The following HEBP1 variants were observed in gnomAD, a reference collection of about 807,000 sequenced individuals.
HEBP1 encodes the protein heme binding protein 1, also known as heme-binding protein 1.
Under a neutral mutation model 20.4 loss-of-function variants are expected in HEBP1, and 13 were observed. That is an observed-to-expected ratio of 0.64 (90% CI 0.42 to 1.01). The LOEUF is 1.01. Ranked by LOEUF, HEBP1 falls within the 50% of genes least tolerant of loss-of-function variation. The probability of loss-of-function intolerance (pLI) is 0.00; values close to 1 mark genes in which losing one functional copy is unlikely to be tolerated. For synonymous variants in HEBP1, 92 were observed against 90.7 expected (o/e 1.01, Z -0.08); for missense variants, 241 against 247.3 (o/e 0.97, Z 0.17).
In HEBP1 at chr12:12,975,357, G is replaced by A; in HGVS notation, c.521C>T (p.Pro174Leu). 1 of 1,614,044 alleles carries A rather than the reference G, an allele frequency of 6.2e-7. No individual in the cohort carries two copies. The highest frequency in any genetic ancestry group is 8.5e-7 in the Non-Finnish European group (1 of 1,179,972). The change falls in exon 4 of 4, where the codon CCC becomes CTC. Residue 174 changes from proline to leucine, a missense_variant. Physicochemically the swap from Pro to Leu is moderately conservative, Grantham distance 98 (BLOSUM62 -3). Coordinates refer to ENST00000014930, the MANE Select transcript of HEBP1 (RefSeq NM_015987.5). ...DIYFCTGYDP[P>L]MKPYGRRNEI... Reference sequence around the variant, plus strand: ...ATTGCGCCGTCCGTAGGGCTTCATGGGAGGGTCATAACCCGTGCAGAAGTA... The same window carrying A: ...ATTGCGCCGTCCGTAGGGCTTCATGAGAGGGTCATAACCCGTGCAGAAGTA...
At chr12:12,975,800 C>G (rs986057331) in intron 3 of HEBP1, among the ~76,000 whole-genome samples, 1 of 152,082 alleles carries the variant, frequency 6.6e-6, no homozygotes, top group African/African-American at 2.4e-5. Flanking sequence ...CTGAAATACC[C>G]AAGGGGACAG....
At position 12,996,308 on chromosome 12, in the gene HEBP1, G is replaced by A. The variant is rs1006830019; in HGVS notation, c.78+3729C>T. Among the ~76,000 whole-genome samples, 5 of 152,166 alleles carry A rather than the reference G, an allele frequency of 3.3e-5. No homozygotes were observed. The highest frequency in any genetic ancestry group is 2.0e-4 in the Admixed American group (3 of 15,278). On this transcript the variant is annotated intron_variant, in intron 1 of 3. Coordinates refer to ENST00000014930, the MANE Select transcript of HEBP1 (RefSeq NM_015987.5). This position sits in a 1 kb window ranked among gnomAD's most constrained non-coding sequence, Gnocchi z 4.1. ...AGGTCCTAACCTGTGTGCACAGGCC[G>A]GACACAAATCTGATTAAGGATGTCA...
Position 12,989,284 on chromosome 12 carries a change from A to G in HEBP1, c.210T>C (p.Asn70=), listed in dbSNP as rs1315056208. ...TCCTGCAGGGGTACTCACCCTTGTCATTGGTGCCCCCCGCATACTTTGCGA... is the reference window on the plus strand; with the variant it reads ...TCCTGCAGGGGTACTCACCCTTGTCGTTGGTGCCCCCCGCATACTTTGCGA... ...PKVAKYAGGT[N]DKGIGMGMTV... Residue 70 remains asparagine, a synonymous_variant, in exon 2 of 4, where the codon AAT becomes AAC. Transcript: ENST00000014930. 5 of 1,613,848 alleles carry G rather than the reference A, an allele frequency of 3.1e-6. No individual in the cohort carries two copies. Among genetic ancestry groups the G allele is most frequent in the Non-Finnish European group, 3.4e-6 (4 of 1,180,018 alleles).
chr12:12,976,086 A>AAC (rs1302279170), intron 3 of HEBP1, among the ~76,000 whole-genome samples: 1 of 151,468 alleles, frequency 6.6e-6, no homozygotes, highest in Non-Finnish European at 1.5e-5. Context: ...TCAAAAAAAA[A>AAC]AAAAAAAAAA....
At chr12:12,995,566 C>G (rs951167509) in intron 1 of HEBP1, among the ~76,000 whole-genome samples, 4 of 152,134 alleles carry the variant, frequency 2.6e-5, no homozygotes, top group African/African-American at 9.7e-5. Flanking sequence ...GTGCAGGGAT[C>G]ACTTGTTTTC....
At position 12,975,318 on chromosome 12, in the gene HEBP1, A is replaced by C. The variant is rs1863962971; in HGVS notation, c.560T>G (p.Leu187Trp). 6 of 1,613,798 alleles carry C rather than the reference A, an allele frequency of 3.7e-6. No homozygotes were observed. Among genetic ancestry groups the C allele is most frequent in the Non-Finnish European group, 5.1e-6 (6 of 1,179,884 alleles). ...GGTTCAGTGGGTCACTCATGTCTTC[A>C]ACAGCCAGATCTCATTGCGCCGTCC... ...PYGRRNEIWL[L>W]KT Residue 187 changes from leucine to tryptophan, a missense_variant, in exon 4 of 4, where the codon TTG (leucine) becomes TGG (tryptophan). Leu to Trp is a moderately conservative substitution (Grantham distance 61). Transcript: ENST00000014930.
chr12:12,976,100 C>A lies in HEBP1; in HGVS notation c.399-621G>T, dbSNP rs867810252. Among the ~76,000 whole-genome samples the A allele has an allele frequency of 7.5e-3, 763 of 102,174 alleles. 3 individuals are homozygous for A. Among genetic ancestry groups the A allele is most frequent in the African/African-American group, 0.021 (575 of 27,904 alleles). 67.0% of individuals were successfully genotyped at this position (102,174 alleles called of 152,430 possible). ...GTCAAAAAAAAAAAAAAAAAAAAAA[C>A]AAACCAAAAACCAAAACTAAAAAAG... On this transcript the variant is annotated intron_variant, in intron 3 of 3. Transcript: ENST00000014930.
chr12:12,990,670 CT>C lies in HEBP1; in HGVS notation c.79-1256del, dbSNP rs555350895. Among the ~76,000 whole-genome samples the C allele has an allele frequency of 3.5e-3, 540 of 152,274 alleles. 6 individuals are homozygous for C. The highest frequency in any genetic ancestry group is 0.013 in the African/African-American group (526 of 41,540). ...AACAGCCCTTTCCCAATAAGACCCC[CT>C]TCTTGCCTGGGGTCCAGTCTGACTT... On this transcript the variant is annotated intron_variant, in intron 1 of 3. Transcript: ENST00000014930.
At position 13,000,192 on chromosome 12, in the gene HEBP1, C is replaced by CGGCGGCAG. The variant is rs878915334; in HGVS notation, c.-86_-79dup. 0.013 allele frequency: 7,706 copies of CGGCGGCAG among 585,238 alleles called. 262 individuals are homozygous for CGGCGGCAG. Among genetic ancestry groups the CGGCGGCAG allele is most frequent in the African/African-American group, 0.041 (2,112 of 51,144 alleles). The allele number at this position is 585,238 out of a possible 1,614,324, so 36.3% of individuals were successfully genotyped here. On this transcript the variant is annotated 5_prime_UTR_variant, in exon 1 of 4. Transcript: ENST00000014930. ...ACGGAGCACCACGGGCAGCGACCAC[C>CGGCGGCAG]GGCGGCAGGGCGGCAGGGCGGCAGG...
At chr12:12,988,864 AG>A (rs1157891335) in intron 2 of HEBP1, among the ~76,000 whole-genome samples, 1 of 152,138 alleles carries the variant, frequency 6.6e-6, no homozygotes, top group Non-Finnish European at 1.5e-5. Flanking sequence ...GCAGAATCTG[AG>A]CTACCAGGGG....
intron 3 of HEBP1, chr12:12,983,609 TTTTGAATGCTCA>T (rs1235303026): frequency 2.2e-6 from 1 of 444,998 alleles, no homozygotes; most frequent in African/African-American, 2.0e-5. Context: ...TGCAGGGTAA[TTTTGAATGCTCA>T]TTTGACTATG....
At chr12:12,987,612 T>TTTCTCTCTCTTTCTC in intron 2 of HEBP1, among the ~76,000 whole-genome samples, 1 of 117,842 alleles carries the variant, frequency 8.5e-6, no homozygotes, top group Non-Finnish European at 1.7e-5. Flanking sequence ...CTCTCTCTCT[T>TTTCTCTCTCTTTCTC]TCTCTCTCTC....
chr12:12,982,604 C>T (rs1592401327), intron 3 of HEBP1, among the ~76,000 whole-genome samples: 1 of 152,340 alleles, frequency 6.6e-6, no homozygotes, highest in East Asian at 1.9e-4. Flanking sequence ...ACATCAGCAA[C>T]CTAGGTGCTG....
intron 1 of HEBP1, 51 bp downstream of exon 1, chr12:12,999,986 G>T: frequency 1.6e-6 from 2 of 1,282,188 alleles, no homozygotes; most frequent in South Asian, 2.5e-5. Flanking sequence ...CGACGAGGGT[G>T]GGGGTGGGAG....
At chr12:12,977,112 A>C (rs900032304) in intron 3 of HEBP1, among the ~76,000 whole-genome samples, 4 of 152,206 alleles carry the variant, frequency 2.6e-5, no homozygotes, top group African/African-American at 9.6e-5. Flanking sequence ...TTCCTTCATC[A>C]GTTAGAGGCA....
chr12:12,981,797 C>T (rs747060785), intron 3 of HEBP1, among the ~76,000 whole-genome samples: 7 of 152,100 alleles, frequency 4.6e-5, no homozygotes, highest in Non-Finnish European at 8.8e-5. Flanking sequence ...GTCTCAGGCT[C>T]CATGCTGAGT....
chr12:12,997,748 C>T (rs529364034), intron 1 of HEBP1, among the ~76,000 whole-genome samples: 1 of 152,342 alleles, frequency 6.6e-6, no homozygotes, highest in South Asian at 2.1e-4. Flanking sequence ...GCCCAGACCC[C>T]TCTCCGCCTG....
At chr12:12,997,811 A>T (rs1864310464) in intron 1 of HEBP1, among the ~76,000 whole-genome samples, 1 of 152,230 alleles carries the variant, frequency 6.6e-6, no homozygotes, top group South Asian at 2.1e-4. Context: ...ATTCCATGAC[A>T]AAAGCAAGAA....
rs1864313297 is a variant in HEBP1, at chr12:12,998,137, C to CT, written c.78+1899dup. On this transcript the variant is annotated intron_variant, in intron 1 of 3. Coordinates refer to ENST00000014930, the MANE Select transcript of HEBP1 (RefSeq NM_015987.5). This position sits in a 1 kb window ranked among gnomAD's most constrained non-coding sequence, Gnocchi z 4.2. Reference sequence around the variant, plus strand: ...CACTCCTAATACTCCCTATTCCTCACTCCCCTGCTTGCTTTTCTTCACAGC... The same window carrying CT: ...CACTCCTAATACTCCCTATTCCTCACTTCCCCTGCTTGCTTTTCTTCACAGC... Among the ~76,000 whole-genome samples the CT allele has an allele frequency of 2.1e-5, 1 of 47,686 alleles. No individual in the cohort carries two copies. The highest frequency in any genetic ancestry group is 2.7e-4 in the Admixed American group (1 of 3,638). The allele number at this position is 47,686 out of a possible 152,430, so 31.3% of individuals were successfully genotyped here.
Sources: allele counts gnomAD v4.1 joint callset (sites outside exome capture counted in the v4.1 genomes callset), GRCh38; gene constraint gnomAD v4.1.1; non-coding constraint Gnocchi (gnomAD v3.1); transcripts MANE v1.5; gene names NCBI Gene and HGNC (gene_info 2026-07-23, HGNC 2026-07-21).